KCNH7: variants seen among roughly 807,000 people sequenced by gnomAD.
The protein encoded by KCNH7 is voltage-gated inwardly rectifying potassium channel KCNH7.
In KCNH7, 49 loss-of-function variants were observed where a neutral mutation model predicts 120.8. That is an observed-to-expected ratio of 0.41 (90% CI 0.32 to 0.51). The LOEUF (loss-of-function observed/expected upper bound fraction) is 0.51. KCNH7 is among the 20% of genes least tolerant of loss of function. The pLI is 0.38. For missense variants in KCNH7, 1,097 were observed against 1,446.6 expected (o/e 0.76, Z 3.92); for synonymous variants, 547 against 516.1 (o/e 1.06, Z -0.81).
chr2:162,576,449 T>C (rs544505237), intron 2 of KCNH7, among the ~76,000 whole-genome samples: 5 of 152,192 alleles, frequency 3.3e-5, no homozygotes, highest in African/African-American at 1.2e-4. Flanking sequence ...GAGAAATACT[T>C]GGAATTGGAC....
At chr2:162,492,295 A>G (rs1396136651) in intron 6 of KCNH7, among the ~76,000 whole-genome samples, 1 of 152,214 alleles carries the variant, frequency 6.6e-6, no homozygotes, top group Non-Finnish European at 1.5e-5. Context: ...CTAGTCTCCC[A>G]TAAGCCTGCT....
chr2:162,419,274 T>TA (rs758417385), intron 9 of KCNH7, among the ~76,000 whole-genome samples: 8,896 of 61,666 alleles, frequency 0.14, 1,502 homozygotes, highest in African/African-American at 0.41. Context: ...TGTCCCAGGC[T>TA]AAAAAAAAAA....
chr2:162,585,108 T>C (rs1287000225), intron 2 of KCNH7, among the ~76,000 whole-genome samples: 4 of 152,006 alleles, frequency 2.6e-5, no homozygotes, highest in Admixed American at 2.0e-4. Context: ...AGTTCCCAGA[T>C]GATGTGGATG....
At chr2:162,709,673 C>A (rs1335961850) in intron 2 of KCNH7, among the ~76,000 whole-genome samples, 1 of 152,112 alleles carries the variant, frequency 6.6e-6, no homozygotes, top group East Asian at 1.9e-4. Flanking sequence ...TTCCCAATAA[C>A]CCAAGGCAAA....
At chr2:162,611,896 C>G (rs1682978975) in intron 2 of KCNH7, among the ~76,000 whole-genome samples, 1 of 152,038 alleles carries the variant, frequency 6.6e-6, no homozygotes, top group South Asian at 2.1e-4. Context: ...TCAAAAGAGG[C>G]AGAAATTGAG....
At chr2:162,556,438 C>T (rs939036360) in intron 2 of KCNH7, among the ~76,000 whole-genome samples, 1 of 152,120 alleles carries the variant, frequency 6.6e-6, no homozygotes, top group Admixed American at 6.5e-5. Context: ...GGACTCTTAC[C>T]TCTACTTTGA....
At chr2:162,617,656 A>G (rs1261035672) in intron 2 of KCNH7, among the ~76,000 whole-genome samples, 1 of 152,184 alleles carries the variant, frequency 6.6e-6, no homozygotes, top group Non-Finnish European at 1.5e-5. Context: ...GCTTATCTCA[A>G]CACAGAAATT....
At chr2:162,744,625 T>C (rs1288922022) in intron 2 of KCNH7, among the ~76,000 whole-genome samples, 1 of 147,966 alleles carries the variant, frequency 6.8e-6, no homozygotes, top group Non-Finnish European at 1.5e-5. Flanking sequence ...CAGGCTGGAA[T>C]GCAGTGGCGT....
chr2:162,643,958 C>G (rs956189811), intron 2 of KCNH7, among the ~76,000 whole-genome samples: 2 of 151,920 alleles, frequency 1.3e-5, no homozygotes, highest in African/African-American at 4.8e-5. Flanking sequence ...AAAGTTCTAA[C>G]TCGTTATTTA....
At chr2:162,642,169 C>T (rs1257784686) in intron 2 of KCNH7, among the ~76,000 whole-genome samples, 1 of 152,136 alleles carries the variant, frequency 6.6e-6, no homozygotes, top group Non-Finnish European at 1.5e-5. Flanking sequence ...TTAAATACTT[C>T]ACAGTGACGG....
intron 2 of KCNH7, among the ~76,000 whole-genome samples, chr2:162,738,673 ATCTG>A (rs556228914): frequency 7.9e-5 from 12 of 152,222 alleles, no homozygotes; most frequent in Non-Finnish European, 1.0e-4. Context: ...TTATTCTGGT[ATCTG>A]TCTGGCTGTT....
chr2:162,751,190 A>G (rs1688535174), intron 2 of KCNH7, among the ~76,000 whole-genome samples: 1 of 152,152 alleles, frequency 6.6e-6, no homozygotes, highest in African/African-American at 2.4e-5. Flanking sequence ...AGAGGAAGTT[A>G]TTCATGTTTT....
At chr2:162,434,410 C>T (rs143406302) in intron 8 of KCNH7, among the ~76,000 whole-genome samples, 3 of 152,072 alleles carry the variant, frequency 2.0e-5, no homozygotes, top group Non-Finnish European at 2.9e-5. Flanking sequence ...TTTTAAAATA[C>T]GGTGAAAAAA....
intron 2 of KCNH7, among the ~76,000 whole-genome samples, chr2:162,684,445 A>G (rs1275054504): frequency 6.6e-6 from 1 of 152,118 alleles, no homozygotes. Context: ...TTTGCAATCT[A>G]CCCATCTGAC....
At chr2:162,558,230 A>G (rs942282811) in intron 2 of KCNH7, among the ~76,000 whole-genome samples, 4 of 151,458 alleles carry the variant, frequency 2.6e-5, no homozygotes, top group Non-Finnish European at 5.9e-5. Context: ...GCTGGAGTAC[A>G]GTGGCACGAT....
chr2:162,732,133 T>C (rs1055532509), intron 2 of KCNH7, among the ~76,000 whole-genome samples: 2 of 152,002 alleles, frequency 1.3e-5, no homozygotes, highest in African/African-American at 4.8e-5. Context: ...CAAGATGCAC[T>C]GGCAGTGGGC....
intron 2 of KCNH7, 82 bp from the exon 3 acceptor site, chr2:162,537,162 C>T (rs77598638): frequency 5.5e-6 from 6 of 1,082,910 alleles, no homozygotes; most frequent in African/African-American, 3.2e-5. Flanking sequence ...GAAATATACT[C>T]TTAAGGAAAT....
Position 162,518,034 on chromosome 2 carries a change from G to A in KCNH7, c.588C>T (p.Ala196=), listed in dbSNP as rs898332451. 1.2e-6 allele frequency: 2 copies of A among 1,612,418 alleles called. No homozygotes were observed. Among genetic ancestry groups the A allele is most frequent in the South Asian group, 1.1e-5 (1 of 91,046 alleles). ...TTGTAGGAGACTTAAAATGCTTCAT[G>A]GCTACTGAATCATCACTGTGTTTAG... is the stretch of plus-strand genomic sequence containing the variant. The part of the protein sequence containing the change: ...DSSKHSDDSV[A]MKHFKSPTKE... The change falls in exon 4 of 16, where the codon GCC becomes GCT. Residue 196 remains alanine, a synonymous_variant. Coordinates refer to ENST00000332142, the MANE Select transcript of KCNH7 (RefSeq NM_033272.4).
At chr2:162,684,973 A>G (rs1350777953) in intron 2 of KCNH7, among the ~76,000 whole-genome samples, 2 of 152,186 alleles carry the variant, frequency 1.3e-5, no homozygotes, top group African/African-American at 2.4e-5. Context: ...GATAGACTGG[A>G]TAAAGAAAAT....
Sources: allele counts gnomAD v4.1 joint callset (sites outside exome capture counted in the v4.1 genomes callset), GRCh38; gene constraint gnomAD v4.1.1; transcripts MANE v1.5; gene names NCBI Gene and HGNC (gene_info 2026-07-23, HGNC 2026-07-21).